MDGA2: variants seen among roughly 807,000 people sequenced by gnomAD.
MDGA2 encodes the protein MAM domain containing glycosylphosphatidylinositol anchor 2, also known as MAM domain-containing glycosylphosphatidylinositol anchor protein 2.
MDGA2 carries 40 observed loss-of-function variants against 117.8 expected under a neutral mutation model. The observed-to-expected ratio is 0.34, with a 90% CI of 0.26 to 0.44. MDGA2 has a LOEUF of 0.44. Among genes scored for constraint, MDGA2 ranks in the 20% least tolerant of loss-of-function variants. The probability of loss-of-function intolerance (pLI) is 1.00; values close to 1 mark genes in which losing one functional copy is unlikely to be tolerated. For missense variants in MDGA2, 1,123 were observed against 1,250.6 expected, an observed-to-expected ratio of 0.90 and a Z score of 1.54; for synonymous variants, 452 against 439.0, an observed-to-expected ratio of 1.03 and a Z score of -0.37.
chr14:46,896,873 G>A (rs1257443046), intron 10 of MDGA2, among the ~76,000 whole-genome samples: 2 of 152,090 alleles, frequency 1.3e-5, no homozygotes, highest in African/African-American at 4.8e-5. Context: ...CTGTATTTCT[G>A]AGCATCCCTC....
chr14:47,087,013 A>T (rs1359625249), intron 6 of MDGA2, among the ~76,000 whole-genome samples: 1 of 152,206 alleles, frequency 6.6e-6, no homozygotes, highest in Non-Finnish European at 1.5e-5. Context: ...AGAAATTTTT[A>T]AAATACCTAT....
At chr14:46,926,767 A>AT (rs1313772263) in intron 9 of MDGA2, among the ~76,000 whole-genome samples, 2 of 152,292 alleles carry the variant, frequency 1.3e-5, no homozygotes, top group African/African-American at 4.8e-5. Flanking sequence ...ATATAAATTT[A>AT]TTTTATGTTT....
chr14:47,196,532 T>C (rs1252723124), intron 3 of MDGA2, among the ~76,000 whole-genome samples: 1 of 152,190 alleles, frequency 6.6e-6, no homozygotes, highest in African/African-American at 2.4e-5. Flanking sequence ...TACATTATAA[T>C]ATAAACAGAT....
At chr14:46,842,043 A>C (rs1346806774) in intron 16 of MDGA2, 24 bp from the exon 17 acceptor site, 3 of 1,549,628 alleles carry the variant, frequency 1.9e-6, no homozygotes, top group Non-Finnish European at 2.7e-6. Context: ...AAATAAATGC[A>C]AACAAAAAAA....
intron 7 of MDGA2, among the ~76,000 whole-genome samples, chr14:47,057,357 T>C (rs1018789205): frequency 3.9e-5 from 6 of 152,044 alleles, no homozygotes; most frequent in Non-Finnish European, 7.4e-5. Flanking sequence ...GTCTTGATGA[T>C]TTAGATTGTA....
At chr14:47,405,637 T>A (rs889445177) in intron 1 of MDGA2, among the ~76,000 whole-genome samples, 2 of 152,314 alleles carry the variant, frequency 1.3e-5, no homozygotes, top group African/African-American at 4.8e-5. Flanking sequence ...ATACCTTTCT[T>A]GAATTATGAA....
chr14:47,355,578 G>A (rs1388443789), intron 1 of MDGA2, among the ~76,000 whole-genome samples: 2 of 151,538 alleles, frequency 1.3e-5, no homozygotes, highest in South Asian at 4.2e-4. Flanking sequence ...CACTCTCTAG[G>A]TGGGACCACC....
At chr14:47,040,350 CT>C (rs936548302) in intron 7 of MDGA2, among the ~76,000 whole-genome samples, 1 of 151,816 alleles carries the variant, frequency 6.6e-6, no homozygotes, top group African/African-American at 2.4e-5. Flanking sequence ...TTATTTCCCT[CT>C]TTTTTTTACT....
chr14:47,242,523 GC>G (rs1232805454), intron 2 of MDGA2, among the ~76,000 whole-genome samples: 1 of 151,820 alleles, frequency 6.6e-6, no homozygotes, highest in African/African-American at 2.4e-5. Flanking sequence ...GGCTTGGTGG[GC>G]CCCGCACTTG....
intron 6 of MDGA2, among the ~76,000 whole-genome samples, chr14:47,094,680 A>T (rs1000454359): frequency 3.3e-5 from 5 of 152,042 alleles, no homozygotes; most frequent in African/African-American, 9.7e-5. Context: ...TTACACTTTA[A>T]TCATTATACT....
intron 1 of MDGA2, among the ~76,000 whole-genome samples, chr14:47,454,075 T>A (rs150012704): frequency 6.6e-6 from 1 of 152,224 alleles, no homozygotes. Context: ...TTATAGATTA[T>A]GTACTCCCTC....
chr14:46,851,786 A>C (rs1215539729), intron 15 of MDGA2, among the ~76,000 whole-genome samples: 1 of 151,838 alleles, frequency 6.6e-6, no homozygotes, highest in African/African-American at 2.4e-5. Context: ...AAAACCTCTC[A>C]AACCTTAATT....
intron 2 of MDGA2, among the ~76,000 whole-genome samples, chr14:47,280,491 G>GA (rs1888451524): frequency 6.6e-6 from 1 of 151,950 alleles, no homozygotes; most frequent in African/African-American, 2.4e-5. Flanking sequence ...TTTTATAGGT[G>GA]TTTTACTATG....
intron 10 of MDGA2, among the ~76,000 whole-genome samples, chr14:46,918,543 G>T (rs1227729915): frequency 6.6e-6 from 1 of 151,988 alleles, no homozygotes; most frequent in East Asian, 1.9e-4. Context: ...TATAGATTTC[G>T]GTTTTGCTCA....
intron 2 of MDGA2, among the ~76,000 whole-genome samples, chr14:47,260,512 T>C (rs1887760526): frequency 6.6e-6 from 1 of 152,094 alleles, no homozygotes; most frequent in Non-Finnish European, 1.5e-5. Context: ...CTTTCTATAA[T>C]GTACCTGTTC....
intron 6 of MDGA2, among the ~76,000 whole-genome samples, chr14:47,077,837 T>TA (rs957421060): frequency 1.3e-5 from 2 of 151,922 alleles, no homozygotes; most frequent in African/African-American, 4.8e-5. Flanking sequence ...TCTTGCAGAT[T>TA]AAAAAAAAGT....
intron 2 of MDGA2, among the ~76,000 whole-genome samples, chr14:47,220,920 C>A (rs1886274179): frequency 6.6e-6 from 1 of 152,134 alleles, no homozygotes; most frequent in South Asian, 2.1e-4. Flanking sequence ...CATTCATTAA[C>A]CTCAGGGTTC....
At chr14:47,525,930 CAT>C (rs1894965241) in intron 1 of MDGA2, among the ~76,000 whole-genome samples, 1 of 152,020 alleles carries the variant, frequency 6.6e-6, no homozygotes, top group Admixed American at 6.6e-5. Flanking sequence ...TATGTAGGCA[CAT>C]GTCACCAGTT....
At chr14:47,268,417 A>G (rs1888037159) in intron 2 of MDGA2, among the ~76,000 whole-genome samples, 1 of 152,172 alleles carries the variant, frequency 6.6e-6, no homozygotes, top group Admixed American at 6.5e-5. Flanking sequence ...TATAAAAATA[A>G]TTTTGAAAAA....
Sources: gnomAD v4.1 joint callset for allele counts (sites outside exome capture counted in the v4.1 genomes callset) on GRCh38, gnomAD v4.1.1 for gene constraint, MANE v1.5 for transcripts, NCBI Gene and HGNC (gene_info 2026-07-23, HGNC 2026-07-21) for gene names.